The following GRIN2A variants were observed in gnomAD, a reference collection of about 807,000 sequenced individuals.
The protein encoded by GRIN2A is glutamate ionotropic receptor NMDA type subunit 2A, also known as glutamate receptor ionotropic, NMDA 2A.
Under a neutral mutation model 113.4 loss-of-function variants are expected in GRIN2A, and 22 were observed. That is an observed-to-expected ratio of 0.19 (90% CI 0.14 to 0.28). The LOEUF (loss-of-function observed/expected upper bound fraction) is 0.28, where lower values mean the gene tolerates loss of function less well. GRIN2A is among the 10% of genes least tolerant of loss of function. The probability of loss-of-function intolerance (pLI) is 1.00; values close to 1 mark genes in which losing one functional copy is unlikely to be tolerated. For missense variants in GRIN2A, 1,502 were observed against 1,887.0 expected (o/e 0.80, Z 3.78); for synonymous variants, 827 against 738.4 (o/e 1.12, Z -1.94).
chr16:10,002,577 G>A (rs1368995088), intron 2 of GRIN2A, among the ~76,000 whole-genome samples: 1 of 152,184 alleles, frequency 6.6e-6, no homozygotes, highest in African/African-American at 2.4e-5. Context: ...GTTGGAAACT[G>A]AGATGCCTAC....
intron 2 of GRIN2A, among the ~76,000 whole-genome samples, chr16:10,157,370 T>A (rs2049719560): frequency 1.3e-5 from 2 of 152,222 alleles, no homozygotes; most frequent in African/African-American, 2.4e-5. Context: ...CTCATCTTGG[T>A]GCTAATAGGT....
chr16:9,937,927 C>A, intron 3 of GRIN2A, 32 bp downstream of exon 3: 1 of 1,488,172 alleles, frequency 6.7e-7, no homozygotes, highest in South Asian at 1.1e-5. Flanking sequence ...AAACTCTGAT[C>A]CCACTTTGGG....
In GRIN2A at chr16:9,841,104, G is replaced by A. The variant is rs779642527; in HGVS notation, c.1329C>T (p.Asn443=). Residue 443 remains asparagine (N), a splice_region_variant and synonymous_variant, in exon 6 of 13, where the codon AAC becomes AAT. Transcript: ENST00000330684. The part of the protein sequence containing the change: ...TVPCRKFVKI[N]NSTNEGMNVK... ...CATTCATCCCCTCATTGGTTGAATT[G>A]CTGTAAAGAAAAACCCCAAGACCAC... 1.2e-6 allele frequency: 2 copies of A among 1,612,004 alleles called. No individual in the cohort carries two copies. Among genetic ancestry groups the A allele is most frequent in the Non-Finnish European group, 1.7e-6 (2 of 1,178,178 alleles).
At chr16:9,858,935 A>G (rs2043014377) in intron 4 of GRIN2A, among the ~76,000 whole-genome samples, 1 of 152,184 alleles carries the variant, frequency 6.6e-6, no homozygotes, top group East Asian at 1.9e-4. Flanking sequence ...TATTTATGAA[A>G]TGCTTACAAG....
At chr16:10,102,695 C>T (rs2048423641) in intron 2 of GRIN2A, among the ~76,000 whole-genome samples, 1 of 152,082 alleles carries the variant, frequency 6.6e-6, no homozygotes, top group South Asian at 2.1e-4. Context: ...TACAGGCATG[C>T]ACCACCATGC....
chr16:10,154,629 C>T (rs879702822), intron 2 of GRIN2A, among the ~76,000 whole-genome samples: 1 of 152,130 alleles, frequency 6.6e-6, no homozygotes, highest in Non-Finnish European at 1.5e-5. Context: ...TTCCTGTCCT[C>T]ACTGAGGACA....
intron 11 of GRIN2A, among the ~76,000 whole-genome samples, chr16:9,781,729 A>AC (rs36080161): frequency 0.44 from 66,687 of 151,896 alleles, 15,683 homozygotes; most frequent in African/African-American, 0.62. Context: ...AGAACCAGTA[A>AC]CCTTTAAATT....
At chr16:10,081,977 C>G (rs1317479604) in intron 2 of GRIN2A, among the ~76,000 whole-genome samples, 2 of 152,204 alleles carry the variant, frequency 1.3e-5, no homozygotes, top group Non-Finnish European at 2.9e-5. Context: ...CAAAATGTGT[C>G]AACTTATAGA....
chr16:10,025,776 C>A (rs1190968029), intron 2 of GRIN2A, among the ~76,000 whole-genome samples: 1 of 152,102 alleles, frequency 6.6e-6, no homozygotes. Flanking sequence ...CAGAGACAGG[C>A]AGGCTAGGGG....
intron 2 of GRIN2A, among the ~76,000 whole-genome samples, chr16:10,154,525 C>G (rs2049649312): frequency 6.6e-6 from 1 of 152,226 alleles, no homozygotes; most frequent in Non-Finnish European, 1.5e-5. Flanking sequence ...GTTCCCCCAG[C>G]ATCCTCAGTG....
chr16:9,821,429 T>C (rs541696865), intron 10 of GRIN2A, among the ~76,000 whole-genome samples: 2 of 152,180 alleles, frequency 1.3e-5, no homozygotes, highest in Admixed American at 6.5e-5. Flanking sequence ...AAGAAACCAA[T>C]GTGGGCTTTA....
chr16:10,069,031 C>A (rs2047701634), intron 2 of GRIN2A, among the ~76,000 whole-genome samples: 1 of 151,924 alleles, frequency 6.6e-6, no homozygotes, highest in Non-Finnish European at 1.5e-5. Context: ...GGGTAAGGAC[C>A]CCGCAGTTCA....
intron 4 of GRIN2A, among the ~76,000 whole-genome samples, chr16:9,861,324 C>T (rs917401944): frequency 6.6e-6 from 1 of 152,118 alleles, no homozygotes; most frequent in Non-Finnish European, 1.5e-5. Flanking sequence ...TTCTCTCCAC[C>T]TGAAATATAA....
chr16:9,867,109 T>G (rs949598943), intron 4 of GRIN2A, among the ~76,000 whole-genome samples: 1 of 152,164 alleles, frequency 6.6e-6, no homozygotes, highest in Non-Finnish European at 1.5e-5. Flanking sequence ...ACAATTTTCC[T>G]GCCCCCACTT....
At chr16:10,112,316 G>A (rs2048633419) in intron 2 of GRIN2A, 1 of 646,972 alleles carries the variant, frequency 1.5e-6, no homozygotes, top group South Asian at 1.7e-5. Context: ...CTAAGAACCT[G>A]ATTGACACTG....
intron 11 of GRIN2A, among the ~76,000 whole-genome samples, chr16:9,796,628 G>C (rs771933065): frequency 6.6e-6 from 1 of 152,188 alleles, no homozygotes; most frequent in Admixed American, 6.5e-5. Flanking sequence ...GTTCCTTTCT[G>C]TGCTTCTGCC....
intron 2 of GRIN2A, among the ~76,000 whole-genome samples, chr16:10,070,256 C>T (rs987014349): frequency 6.6e-6 from 1 of 152,144 alleles, no homozygotes; most frequent in African/African-American, 2.4e-5. Context: ...CCATTTAGGC[C>T]TCCTGACTTT....
chr16:10,153,051 C>T (rs1166994784), intron 2 of GRIN2A, among the ~76,000 whole-genome samples: 1 of 152,088 alleles, frequency 6.6e-6, no homozygotes, highest in Admixed American at 6.6e-5. Context: ...ATAGAATGTA[C>T]AACACCAAGG....
At chr16:9,945,259 A>T (rs1452938282) in intron 2 of GRIN2A, among the ~76,000 whole-genome samples, 1 of 152,164 alleles carries the variant, frequency 6.6e-6, no homozygotes, top group East Asian at 1.9e-4. Context: ...ACTCTAGGTC[A>T]TCTGATCTGC....
Sources: allele counts gnomAD v4.1 joint callset (sites outside exome capture counted in the v4.1 genomes callset), GRCh38; gene constraint gnomAD v4.1.1; transcripts MANE v1.5; gene names NCBI Gene and HGNC (gene_info 2026-07-23, HGNC 2026-07-21).